Variants in CDH10 observed in about 807,000 individuals in gnomAD.
The protein encoded by CDH10 is cadherin 10, also known as cadherin-10.
CDH10 carries 30 observed loss-of-function variants against 73.1 expected under a neutral mutation model. The observed-to-expected ratio is 0.41, with a 90% CI of 0.31 to 0.56. The LOEUF (loss-of-function observed/expected upper bound fraction) is 0.56, where lower values mean the gene tolerates loss of function less well. Among genes scored for constraint, CDH10 ranks in the 20% least tolerant of loss-of-function variants. The pLI, the probability that CDH10 is intolerant of heterozygous loss-of-function variation, is 0.27. For synonymous variants in CDH10, 345 were observed against 348.2 expected (o/e 0.99, Z 0.10); for missense variants, 815 against 973.7 (o/e 0.84, Z 2.17).
At chr5:24,581,256 C>T (rs1057350393) in intron 2 of CDH10, among the ~76,000 whole-genome samples, 19 of 123,608 alleles carry the variant, frequency 1.5e-4, no homozygotes, top group Non-Finnish European at 1.0e-4. Flanking sequence ...TCACTAGAAC[C>T]TCTCAATTTT....
intron 1 of CDH10, among the ~76,000 whole-genome samples, chr5:24,620,178 A>T (rs535119293): frequency 2.0e-5 from 3 of 152,310 alleles, no homozygotes; most frequent in East Asian, 3.9e-4. Flanking sequence ...AATAGGCATA[A>T]TATTTTTTAT....
In CDH10 at chr5:24,575,940, T is replaced by TTGGATCAAATATATATTTGATCCAAA. The variant is rs1377060835; in HGVS notation, c.231+17319_231+17320insTTTGGATCAAATATATATTTGATCCA. 6.0e-4 allele frequency among the ~76,000 whole-genome samples: 91 copies of TTGGATCAAATATATATTTGATCCAAA among 152,282 alleles called. 1 individual carries two copies. Among genetic ancestry groups the TTGGATCAAATATATATTTGATCCAAA allele is most frequent in the African/African-American group, 2.1e-3 (87 of 41,554 alleles). ...TTAACTTCCAAAATGTTCAAAATGC[T>TTGGATCAAATATATATTTGATCCAAA]ATTATTGGATCAAATATATAAAAAC... is the stretch of plus-strand genomic sequence containing the variant. On this transcript the variant is annotated intron_variant, in intron 2 of 11. Coordinates refer to ENST00000264463, the MANE Select transcript of CDH10 (RefSeq NM_006727.5).
chr5:24,504,506 C>CTGTTTTTTTTTTGTTTTTTTTTTTTTTTT (rs1554016940), intron 8 of CDH10, among the ~76,000 whole-genome samples: 1 of 65,206 alleles, frequency 1.5e-5, no homozygotes, highest in Non-Finnish European at 2.9e-5. Context: ...TCCTATTAAT[C>CTGTTTTTTTTTTGTTTTTTTTTTTTTTTT]TTTTTTTTTT....
intron 5 of CDH10, among the ~76,000 whole-genome samples, chr5:24,518,682 A>G (rs1743198548): frequency 1.3e-5 from 2 of 151,990 alleles, no homozygotes; most frequent in Admixed American, 6.6e-5. Flanking sequence ...TCCCCTTTCA[A>G]TGAATATCAT....
intron 2 of CDH10, among the ~76,000 whole-genome samples, chr5:24,592,356 T>A (rs916589157): frequency 1.3e-5 from 2 of 151,868 alleles, no homozygotes. Flanking sequence ...AGTGTTAACA[T>A]GTGATTTATG....
intron 1 of CDH10, among the ~76,000 whole-genome samples, chr5:24,595,183 T>C (rs754023428): frequency 6.6e-6 from 1 of 151,886 alleles, no homozygotes; most frequent in Middle Eastern, 3.2e-3. Flanking sequence ...TAATAAAGTA[T>C]GTGTTATAGA....
At position 24,487,796 on chromosome 5, in the gene CDH10, G is replaced by A. The variant is rs2111601662; in HGVS notation, c.2234C>T (p.Ala745Val). 2 of 1,613,948 alleles carry A rather than the reference G, an allele frequency of 1.2e-6. No homozygotes were observed. Among genetic ancestry groups the A allele is most frequent in the Non-Finnish European group, 1.7e-6 (2 of 1,179,940 alleles). Residue 745 changes from alanine to valine, a missense_variant, in exon 12 of 12, where the codon GCT becomes GTT. Coordinates refer to ENST00000264463, the MANE Select transcript of CDH10 (RefSeq NM_006727.5). Reference sequence around the variant, plus strand: ...TGATTCTAATGAACTCAGAGATTCAGCAATGGAATCATTTCCTTCATAGGC... The same window carrying A: ...TGATTCTAATGAACTCAGAGATTCAACAATGGAATCATTTCCTTCATAGGC... Reference protein sequence around the residue: ...TYAYEGNDSIAESLSSLESGT... With the variant: ...TYAYEGNDSIVESLSSLESGT...
chr5:24,500,687 G>A (rs992900823), intron 8 of CDH10, among the ~76,000 whole-genome samples: 8 of 152,176 alleles, frequency 5.3e-5, no homozygotes, highest in Non-Finnish European at 7.4e-5. Context: ...GAGTTAATGC[G>A]TGAAAATTTC....
chr5:24,563,251 G>A (rs1745026997), intron 2 of CDH10, among the ~76,000 whole-genome samples: 1 of 151,960 alleles, frequency 6.6e-6, no homozygotes, highest in Non-Finnish European at 1.5e-5. Flanking sequence ...TAGGTTTGAT[G>A]TTTCCTCATG....
rs767907920 is a variant in CDH10 at position 24,487,994 on chromosome 5, G to T, written c.2036C>A (p.Ala679Glu). The change falls in exon 12 of 12, where the codon GCA becomes GAA. Residue 679 changes from alanine to glutamate, a missense_variant. By Grantham distance (107) the Ala-to-Glu change is moderately radical. Coordinates refer to ENST00000264463, the MANE Select transcript of CDH10 (RefSeq NM_006727.5). ...AFDIGTLRNP[A>E]AIEEKKLRRD... ...CCGGAGCTTTTTTTCCTCAATGGCTGCAGGATTCCTCAGGGTGCCGATATC... is the reference window on the plus strand; with the variant it reads ...CCGGAGCTTTTTTTCCTCAATGGCTTCAGGATTCCTCAGGGTGCCGATATC... The T allele has an allele frequency of 1.2e-6, 2 of 1,613,918 alleles. No individual in the cohort carries two copies. The highest frequency in any genetic ancestry group is 1.7e-5 in the Admixed American group (1 of 59,984).
chr5:24,586,958 C>T lies in CDH10; in HGVS notation c.231+6302G>A, dbSNP rs538831632. Among the ~76,000 whole-genome samples the T allele has an allele frequency of 4.4e-3, 659 of 148,618 alleles. 2 individuals are homozygous for T. Among genetic ancestry groups the T allele is most frequent in the Middle Eastern group, 0.015 (4 of 272 alleles). On this transcript the variant is annotated intron_variant, in intron 2 of 11. Transcript: ENST00000264463. ...CTCCCGGGTTCACGCCATTCTCCTG[C>T]TTCAGCCTCCCGAGTAGCTGGGACT...
intron 1 of CDH10, among the ~76,000 whole-genome samples, chr5:24,639,359 G>A (rs1247740397): frequency 1.3e-5 from 2 of 151,566 alleles, no homozygotes; most frequent in East Asian, 3.9e-4. Flanking sequence ...TTAATATTAT[G>A]TACAAAATTT....
intron 1 of CDH10, among the ~76,000 whole-genome samples, chr5:24,642,865 G>T (rs1748098982): frequency 6.6e-6 from 1 of 151,154 alleles, no homozygotes; most frequent in African/African-American, 2.4e-5. Flanking sequence ...TGAAGTCAGG[G>T]AAGGCGTATG....
At chr5:24,605,367 G>A (rs1397539100) in intron 1 of CDH10, among the ~76,000 whole-genome samples, 2 of 152,184 alleles carry the variant, frequency 1.3e-5, no homozygotes, top group African/African-American at 2.4e-5. Flanking sequence ...AGGGAGGGGG[G>A]ATTAGCTTCT....
chr5:24,638,860 T>C (rs1172094302), intron 1 of CDH10, among the ~76,000 whole-genome samples: 1 of 151,852 alleles, frequency 6.6e-6, no homozygotes, highest in Non-Finnish European at 1.5e-5. Flanking sequence ...ACTCCAATAG[T>C]TTCTTTTCTT....
At chr5:24,619,143 T>C (rs956461729) in intron 1 of CDH10, among the ~76,000 whole-genome samples, 1 of 152,050 alleles carries the variant, frequency 6.6e-6, no homozygotes, top group Non-Finnish European at 1.5e-5. Context: ...TGCAGAGCAA[T>C]CTCCTTCAAG....
At chr5:24,511,795 G>C (rs1742922701) in intron 5 of CDH10, among the ~76,000 whole-genome samples, 1 of 152,104 alleles carries the variant, frequency 6.6e-6, no homozygotes, top group Admixed American at 6.6e-5. Flanking sequence ...TTAAAAATGA[G>C]TATGTTCATA....
intron 1 of CDH10, among the ~76,000 whole-genome samples, chr5:24,635,558 C>A (rs1022045156): frequency 6.6e-6 from 1 of 151,834 alleles, no homozygotes; most frequent in Non-Finnish European, 1.5e-5. Flanking sequence ...CTTTATGCAA[C>A]TGACATTTTC....
intron 2 of CDH10, among the ~76,000 whole-genome samples, chr5:24,540,376 A>G (rs1235489115): frequency 6.6e-6 from 1 of 152,014 alleles, no homozygotes; most frequent in Non-Finnish European, 1.5e-5. Context: ...CATGCAAAAA[A>G]GCTGCTAAGA....
Sources: allele counts gnomAD v4.1 joint callset (sites outside exome capture counted in the v4.1 genomes callset), GRCh38; gene constraint gnomAD v4.1.1; transcripts MANE v1.5; gene names NCBI Gene and HGNC (gene_info 2026-07-23, HGNC 2026-07-21).